Variants in PLCB1 observed in about 807,000 individuals in gnomAD.
The protein encoded by PLCB1 is phospholipase C beta 1.
In PLCB1, 46 loss-of-function variants were observed where a neutral mutation model predicts 161.8. The ratio of observed to expected loss-of-function variants is 0.28; its 90% CI spans 0.22 to 0.36. PLCB1 has a LOEUF of 0.36. PLCB1 is among the 10% of genes least tolerant of loss of function. The pLI is 1.00. For synonymous variants in PLCB1, 517 were observed against 503.7 expected, an observed-to-expected ratio of 1.03 and a Z score of -0.35; for missense variants, 1,016 against 1,472.5, an observed-to-expected ratio of 0.69 and a Z score of 5.07.
At chr20:8,360,981 C>A (rs1986520489) in intron 2 of PLCB1, among the ~76,000 whole-genome samples, 1 of 152,178 alleles carries the variant, frequency 6.6e-6, no homozygotes, top group Non-Finnish European at 1.5e-5. Context: ...AGGATAAATG[C>A]CGTCTATCTA....
At chr20:8,755,802 G>C (rs1340704079) in intron 23 of PLCB1, among the ~76,000 whole-genome samples, 1 of 152,176 alleles carries the variant, frequency 6.6e-6, no homozygotes, top group Non-Finnish European at 1.5e-5. Context: ...AGGGAGGGAA[G>C]GAAGACAAAG....
At chr20:8,445,186 C>A (rs755589636) in intron 3 of PLCB1, among the ~76,000 whole-genome samples, 1 of 152,166 alleles carries the variant, frequency 6.6e-6, no homozygotes, top group Non-Finnish European at 1.5e-5. Flanking sequence ...TTAGGTCTGA[C>A]ATTTAAGTCT....
At chr20:8,614,075 T>C (rs1987979438) in intron 3 of PLCB1, among the ~76,000 whole-genome samples, 2 of 152,114 alleles carry the variant, frequency 1.3e-5, no homozygotes, top group Admixed American at 6.6e-5. Context: ...CTCTTTCTAC[T>C]CTAAAAGACA....
At chr20:8,379,293 A>G (rs1263640480) in intron 3 of PLCB1, among the ~76,000 whole-genome samples, 1 of 152,120 alleles carries the variant, frequency 6.6e-6, no homozygotes, top group Non-Finnish European at 1.5e-5. Context: ...ATTACTTTTT[A>G]TGGCTGCATA....
intron 11 of PLCB1, among the ~76,000 whole-genome samples, chr20:8,705,509 A>C (rs1384882951): frequency 1.3e-5 from 2 of 152,244 alleles, no homozygotes; most frequent in African/African-American, 4.8e-5. Flanking sequence ...GATACGGTAC[A>C]TAGAAACATG....
At chr20:8,706,120 T>A (rs1389586638) in intron 11 of PLCB1, among the ~76,000 whole-genome samples, 1 of 152,228 alleles carries the variant, frequency 6.6e-6, no homozygotes, top group East Asian at 1.9e-4. Context: ...TTGCTCTGAT[T>A]GCTATTGTTT....
chr20:8,136,162 T>TA (rs2051344988), intron 1 of PLCB1, among the ~76,000 whole-genome samples: 1 of 152,222 alleles, frequency 6.6e-6, no homozygotes, highest in Non-Finnish European at 1.5e-5. Flanking sequence ...ATTCAGATCT[T>TA]ACTGTGGGCA....
rs554066598 is a variant in PLCB1 at position 8,720,402 on chromosome 20, A to T, written c.1514-1952A>T. Among the ~76,000 whole-genome samples the T allele has an allele frequency of 1.2e-4, 19 of 152,324 alleles. No individual in the cohort carries two copies. In the South Asian group the frequency reaches 3.9e-3, roughly 32 times the overall value. On this transcript the variant is annotated intron_variant, in intron 14 of 31. Transcript: ENST00000338037. ...AGTGGAAACTTTTGGACATTTTAAT[A>T]TGTAGGTACCTGAATAAAGAGCACC... is the stretch of plus-strand genomic sequence containing the variant.
At chr20:8,613,897 A>G (rs1471210407) in intron 3 of PLCB1, among the ~76,000 whole-genome samples, 1 of 152,108 alleles carries the variant, frequency 6.6e-6, no homozygotes, top group East Asian at 1.9e-4. Context: ...TATAGGAGAA[A>G]ATGCCACATC....
chr20:8,669,731 C>T (rs1454257039), intron 9 of PLCB1, among the ~76,000 whole-genome samples: 2 of 152,132 alleles, frequency 1.3e-5, no homozygotes, highest in Non-Finnish European at 2.9e-5. Context: ...CTTTATGCTG[C>T]AGAGCAGAGG....
chr20:8,175,690 G>A (rs112921088), intron 2 of PLCB1, among the ~76,000 whole-genome samples: 24 of 152,182 alleles, frequency 1.6e-4, no homozygotes, highest in African/African-American at 5.8e-4. Flanking sequence ...ATTTCTCTGT[G>A]TAAAATCCTA....
At position 8,697,768 on chromosome 20, in the gene PLCB1, T is replaced by C; in HGVS notation, c.1152T>C (p.Thr384=). 1 of 1,614,156 alleles carries C rather than the reference T, an allele frequency of 6.2e-7. No homozygotes were observed. The highest frequency in any genetic ancestry group is 8.5e-7 in the Non-Finnish European group (1 of 1,180,006). The part of the protein sequence containing the change: ...PVITHGFTMT[T]EISFKEVIEA... ...TCACCCATGGCTTCACCATGACAAC[T>C]GAAATATCTTTCAAGGTAGAGTATA... The change falls in exon 11 of 32, where the codon ACT becomes ACC. Residue 384 remains threonine (T), a synonymous_variant. Transcript: ENST00000338037.
At chr20:8,850,259 G>A (rs1326464337) in intron 31 of PLCB1, among the ~76,000 whole-genome samples, 1 of 152,154 alleles carries the variant, frequency 6.6e-6, no homozygotes, top group African/African-American at 2.4e-5. Context: ...ATACCCACAG[G>A]CACAACATTT....
intron 3 of PLCB1, among the ~76,000 whole-genome samples, chr20:8,378,007 T>C (rs1457721523): frequency 2.0e-5 from 3 of 152,146 alleles, no homozygotes; most frequent in Non-Finnish European, 4.4e-5. Context: ...TGCCAGCATT[T>C]AGACTTTGAG....
intron 31 of PLCB1, among the ~76,000 whole-genome samples, chr20:8,880,742 C>G (rs1424248300): frequency 1.3e-5 from 2 of 151,636 alleles, no homozygotes; most frequent in East Asian, 3.9e-4. Context: ...GACCTTGGAA[C>G]GCTCACCTAT....
intron 2 of PLCB1, among the ~76,000 whole-genome samples, chr20:8,211,994 T>C (rs1042421170): frequency 5.3e-5 from 8 of 152,170 alleles, no homozygotes; most frequent in African/African-American, 1.7e-4. Context: ...TGAATATTAA[T>C]TGATGTTTGA....
intron 31 of PLCB1, among the ~76,000 whole-genome samples, chr20:8,828,000 C>G (rs1003978673): frequency 6.6e-6 from 1 of 152,144 alleles, no homozygotes; most frequent in Non-Finnish European, 1.5e-5. Flanking sequence ...TTTGTTAACT[C>G]TTGAGCTAAA....
intron 31 of PLCB1, among the ~76,000 whole-genome samples, chr20:8,839,988 G>T (rs1270162324): frequency 6.6e-6 from 1 of 150,672 alleles, no homozygotes; most frequent in Admixed American, 6.6e-5. Flanking sequence ...CCAAGATCGC[G>T]CCACTGCACT....
intron 2 of PLCB1, among the ~76,000 whole-genome samples, chr20:8,364,188 T>C (rs1191981029): frequency 6.6e-6 from 1 of 152,190 alleles, no homozygotes; most frequent in Non-Finnish European, 1.5e-5. Context: ...ATGCATGAAC[T>C]CCAGACCTTG....
Sources: allele counts gnomAD v4.1 joint callset (sites outside exome capture counted in the v4.1 genomes callset), GRCh38; gene constraint gnomAD v4.1.1; transcripts MANE v1.5; gene names NCBI Gene and HGNC (gene_info 2026-07-23, HGNC 2026-07-21).